RNF144A: variants seen among roughly 807,000 people sequenced by gnomAD.
RNF144A encodes the protein ring finger protein 144A.
RNF144A carries 11 observed loss-of-function variants against 38.7 expected under a neutral mutation model. The observed-to-expected ratio is 0.28, with a 90% CI of 0.18 to 0.47. The LOEUF (loss-of-function observed/expected upper bound fraction) is 0.47, where lower values mean the gene tolerates loss of function less well. Ranked by LOEUF, RNF144A falls within the 20% of genes least tolerant of loss-of-function variation. The pLI, the probability that RNF144A is intolerant of heterozygous loss-of-function variation, is 0.99. For missense variants in RNF144A, 316 were observed against 377.2 expected (o/e 0.84, Z 1.34); for synonymous variants, 149 against 143.9 (o/e 1.04, Z -0.25).
downstream of RNF144A, among the ~76,000 whole-genome samples, chr2:7,071,236 T>C (rs969868811): frequency 3.3e-5 from 5 of 152,250 alleles, no homozygotes; most frequent in African/African-American, 1.2e-4. Context: ...GTGCCTGGCC[T>C]TTGCTGTGAC....
chr2:6,981,741 A>T (rs1045181735), intron 2 of RNF144A, among the ~76,000 whole-genome samples: 1 of 152,122 alleles, frequency 6.6e-6, no homozygotes, highest in Admixed American at 6.5e-5. Context: ...TCTGCCTGTT[A>T]CCCAGTTCTA....
At chr2:6,939,230 A>T (rs751025786) in intron 1 of RNF144A, among the ~76,000 whole-genome samples, 1 of 152,222 alleles carries the variant, frequency 6.6e-6, no homozygotes, top group South Asian at 2.1e-4. Flanking sequence ...ATTTCTCCAC[A>T]TTCTTGTCTA....
chr2:6,996,952 C>T lies in RNF144A; in HGVS notation c.26C>T (p.Thr9Ile). ...ATGACCACAACAAGGTACCGGCCCA[C>T]CTGGGACCTGGCCCTCGACCCGCTG... is the stretch of plus-strand genomic sequence containing the variant. MTTTRYRP[T>I]WDLALDPLVS... Residue 9 changes from threonine (T) to isoleucine (I), a missense_variant, in exon 3 of 9, where the codon ACC (threonine) becomes ATC (isoleucine). Coordinates refer to ENST00000320892, the MANE Select transcript of RNF144A (RefSeq NM_014746.6). 2 of 1,613,946 alleles carry T rather than the reference C, an allele frequency of 1.2e-6. No individual in the cohort carries two copies. Among genetic ancestry groups the T allele is most frequent in the Non-Finnish European group, 1.7e-6 (2 of 1,179,900 alleles).
intron 6 of RNF144A, among the ~76,000 whole-genome samples, chr2:7,059,157 C>A (rs2103478251): frequency 6.6e-6 from 1 of 152,104 alleles, no homozygotes; most frequent in Non-Finnish European, 1.5e-5. Flanking sequence ...ACCATCCTGG[C>A]TAACACAGTG....
In RNF144A at chr2:7,041,670, C is replaced by A; in HGVS notation, c.*1910C>A. 1 of 985,536 alleles carries A rather than the reference C, an allele frequency of 1.0e-6. No homozygotes were observed. The highest frequency in any genetic ancestry group is 1.2e-6 in the Non-Finnish European group (1 of 829,966). 61.0% of individuals were successfully genotyped at this position (985,536 alleles called of 1,614,324 possible). ...ATATGTGGATGCAGCTGTCCAGCCA[C>A]TGCCCTTTAACATGCCCAGCACACA... is the stretch of plus-strand genomic sequence containing the variant. On this transcript the variant is annotated 3_prime_UTR_variant, in exon 9 of 9. Transcript: ENST00000320892.
chr2:7,001,285 A>T (rs1396819446), intron 3 of RNF144A, among the ~76,000 whole-genome samples: 4 of 150,814 alleles, frequency 2.7e-5, no homozygotes, highest in Non-Finnish European at 5.9e-5. Flanking sequence ...GGGCAACAAA[A>T]GTGAAACTCC....
Position 6,917,446 on chromosome 2 carries a change from C to A in RNF144A, c.-388C>A, listed in dbSNP as rs1431971740. ...CGCTCGCGCCCCGCCCGCGCAGCCG[C>A]TTCTCCCCGCGCGGGCTCTCGGCAG... On this transcript the variant is annotated 5_prime_UTR_variant, in exon 1 of 9. Coordinates refer to ENST00000320892, the MANE Select transcript of RNF144A (RefSeq NM_014746.6). The surrounding 1 kb of genome is among the most constrained non-coding windows in gnomAD (Gnocchi z 4.8). 1 of 146,810 alleles carries A rather than the reference C, an allele frequency of 6.8e-6. No homozygotes were observed. Among genetic ancestry groups the A allele is most frequent in the Non-Finnish European group, 1.5e-5 (1 of 66,032 alleles). 9.1% of individuals were successfully genotyped at this position (146,810 alleles called of 1,614,324 possible).
downstream of RNF144A, among the ~76,000 whole-genome samples, chr2:7,069,940 T>G (rs1438637512): frequency 6.6e-6 from 1 of 152,230 alleles, no homozygotes; most frequent in East Asian, 1.9e-4. Context: ...TTTTCAAGGT[T>G]TTGAGCTGTC....
intron 1 of RNF144A, among the ~76,000 whole-genome samples, chr2:6,935,344 C>T (rs1309447858): frequency 6.6e-6 from 1 of 152,222 alleles, no homozygotes; most frequent in Non-Finnish European, 1.5e-5. Flanking sequence ...CCCAGTTCTT[C>T]TAAAATCTGG....
intron 7 of RNF144A, among the ~76,000 whole-genome samples, chr2:7,027,022 C>G (rs416416): frequency 0.3 from 44,998 of 152,146 alleles, 7,631 homozygotes; most frequent in Middle Eastern, 0.4. Context: ...CAGTGATTTA[C>G]GACAAGCACA....
chr2:6,919,814 A>G (rs1376927395), intron 1 of RNF144A, among the ~76,000 whole-genome samples: 1 of 152,252 alleles, frequency 6.6e-6, no homozygotes, highest in Non-Finnish European at 1.5e-5. Flanking sequence ...TTCTAATGTC[A>G]GCAACTCTGG....
rs911553435 is a variant in RNF144A at position 6,941,864 on chromosome 2, C to T, written c.-12+717C>T. Among the ~76,000 whole-genome samples the T allele has an allele frequency of 2.6e-5, 4 of 152,226 alleles. No individual in the cohort carries two copies. Among genetic ancestry groups the T allele is most frequent in the African/African-American group, 4.8e-5 (2 of 41,456 alleles). The stretch of plus-strand genomic sequence containing the variant: ...ACGGACAGCTGGAGGAGCACCCAGG[C>T]CAGCCTGGCTGGAAGGACTCAGCAC... On this transcript the variant is annotated intron_variant, in intron 2 of 8. Transcript: ENST00000320892. The surrounding 1 kb of genome is among the most constrained non-coding windows in gnomAD (Gnocchi z 6.5).
intron 1 of RNF144A, among the ~76,000 whole-genome samples, chr2:6,929,844 A>C (rs924592772): frequency 1.3e-5 from 2 of 152,196 alleles, no homozygotes; most frequent in South Asian, 4.1e-4. Context: ...TTAAGCATGG[A>C]ATTGTTATTT....
intron 3 of RNF144A, among the ~76,000 whole-genome samples, chr2:7,010,546 A>T (rs758366937): frequency 1.3e-5 from 2 of 152,156 alleles, no homozygotes; most frequent in African/African-American, 4.8e-5. Context: ...GGCGAGGCAG[A>T]TATTTCTCTG....
At chr2:6,980,786 C>G (rs1668581296) in intron 2 of RNF144A, among the ~76,000 whole-genome samples, 1 of 152,236 alleles carries the variant, frequency 6.6e-6, no homozygotes, top group Admixed American at 6.5e-5. Context: ...GGGCTCTAAT[C>G]CCACCTTTCC....
At chr2:6,925,802 C>G (rs1664819365) in intron 1 of RNF144A, among the ~76,000 whole-genome samples, 1 of 152,202 alleles carries the variant, frequency 6.6e-6, no homozygotes, top group Admixed American at 6.5e-5. Context: ...AGGTCACATT[C>G]ATAAGCATCA....
At chr2:6,928,345 C>T (rs1206676096) in intron 1 of RNF144A, among the ~76,000 whole-genome samples, 1 of 152,252 alleles carries the variant, frequency 6.6e-6, no homozygotes. Context: ...TTCATTTCTC[C>T]TCTGGGTCCA....
At position 6,917,876 on chromosome 2, in the gene RNF144A, C is replaced by T. The variant is rs532837184; in HGVS notation, c.-212+254C>T. Reference sequence around the variant, plus strand: ...TGACCTCGTCCCTGCTCTGCTCCTGCCCTGCCCTGCCTCTCGCAGGCGGCG... The same window carrying T: ...TGACCTCGTCCCTGCTCTGCTCCTGTCCTGCCCTGCCTCTCGCAGGCGGCG... On this transcript the variant is annotated intron_variant, in intron 1 of 8. Coordinates refer to ENST00000320892, the MANE Select transcript of RNF144A (RefSeq NM_014746.6). The surrounding 1 kb of genome is among the most constrained non-coding windows in gnomAD (Gnocchi z 4.8). Among the ~76,000 whole-genome samples the T allele has an allele frequency of 6.6e-6, 1 of 151,364 alleles. No individual in the cohort carries two copies. The highest frequency in any genetic ancestry group is 2.4e-5 in the African/African-American group (1 of 41,450).
downstream of RNF144A, among the ~76,000 whole-genome samples, chr2:7,047,620 T>G (rs1271407690): frequency 6.6e-6 from 1 of 152,068 alleles, no homozygotes; most frequent in South Asian, 2.1e-4. Flanking sequence ...CAATTCAAGT[T>G]GAGATTTTGG....
Sources: allele counts gnomAD v4.1 joint callset (sites outside exome capture counted in the v4.1 genomes callset), GRCh38; gene constraint gnomAD v4.1.1; non-coding constraint Gnocchi (gnomAD v3.1); transcripts MANE v1.5; gene names NCBI Gene and HGNC (gene_info 2026-07-23, HGNC 2026-07-21).